CGAS: variants seen among roughly 807,000 people sequenced by gnomAD.
CGAS encodes cyclic GMP-AMP synthase, also known as 2'3'-cGAMP synthase.
Under a neutral mutation model 34.0 loss-of-function variants are expected in CGAS, and 31 were observed. That is an observed-to-expected ratio of 0.91 (90% CI 0.69 to 1.23). The LOEUF is 1.23. CGAS is among the 50% of genes most tolerant of loss of function. The pLI is 0.00. For synonymous variants in CGAS, 266 were observed against 260.0 expected, an observed-to-expected ratio of 1.02 and a Z score of -0.22; for missense variants, 597 against 657.6, an observed-to-expected ratio of 0.91 and a Z score of 1.01.
chr6:73,430,969 G>A (rs1306023924), intron 3 of CGAS, among the ~76,000 whole-genome samples: 2 of 152,038 alleles, frequency 1.3e-5, no homozygotes, highest in African/African-American at 2.4e-5. Context: ...AGGCATTGTG[G>A]CACACAGTTG....
rs1554239284 is a variant in CGAS at position 73,450,097 on chromosome 6, G to GA, written c.657+1427dup. ...AGGAAAAGAGAGAGACAGAGAGATA[G>GA]AGAGAAGAGAAGAGAAGAGAAAAAA... On this transcript the variant is annotated intron_variant, in intron 1 of 4. Coordinates refer to ENST00000370315, the MANE Select transcript of CGAS (RefSeq NM_138441.3). Among the ~76,000 whole-genome samples the GA allele has an allele frequency of 8.7e-5, 13 of 149,958 alleles. No individual in the cohort carries two copies. The South Asian group carries it at 1.9e-3, about 22-fold the overall frequency.
At chr6:73,425,943 C>T (rs1023059044) in intron 4 of CGAS, among the ~76,000 whole-genome samples, 7 of 151,588 alleles carry the variant, frequency 4.6e-5, no homozygotes, top group African/African-American at 7.3e-5. Flanking sequence ...CATTGCACTC[C>T]AGCCTGGGCA....
chr6:73,434,482 A>G (rs978064516), intron 3 of CGAS, among the ~76,000 whole-genome samples: 1 of 152,198 alleles, frequency 6.6e-6, no homozygotes, highest in African/African-American at 2.4e-5. Context: ...AGTAAAGGAC[A>G]TTCTACAAAA....
At chr6:73,443,414 AT>A (rs574422582) in intron 2 of CGAS, among the ~76,000 whole-genome samples, 344 of 151,444 alleles carry the variant, frequency 2.3e-3, no homozygotes, top group African/African-American at 8.0e-3. Context: ...AGTTTTTTGT[AT>A]TTTTAGTCAA....
At chr6:73,449,248 G>A (rs768039876) in intron 1 of CGAS, among the ~76,000 whole-genome samples, 86 of 151,684 alleles carry the variant, frequency 5.7e-4, no homozygotes, top group Non-Finnish European at 9.9e-4. Context: ...AGGCCAAGGC[G>A]GGAAGATCAT....
chr6:73,433,673 G>T (rs1418034806), intron 3 of CGAS, among the ~76,000 whole-genome samples: 1 of 151,900 alleles, frequency 6.6e-6, no homozygotes, highest in African/African-American at 2.4e-5. Context: ...ATTTTTAGTA[G>T]AAATGGGGTC....
rs758419040 is a variant in CGAS, at chr6:73,425,389, T to G, written c.1407A>C (p.Thr469=). 1.1e-5 allele frequency: 18 copies of G among 1,613,532 alleles called. No individual in the cohort carries two copies. The highest frequency in any genetic ancestry group is 1.5e-5 in the Non-Finnish European group (18 of 1,179,968). The change falls in exon 5 of 5, where the codon ACA becomes ACC. Residue 469 remains threonine, a synonymous_variant. Coordinates refer to ENST00000370315, the MANE Select transcript of CGAS (RefSeq NM_138441.3). ...DLGLCFDNCV[T]YFLQCLRTEK... ...CTGTCCTGAGGCACTGAAGAAAGTA[T>G]GTCACGCAGTTATCAAAGCAGAGGC...
At chr6:73,428,501 C>A (rs1770128261) in intron 4 of CGAS, among the ~76,000 whole-genome samples, 1 of 152,056 alleles carries the variant, frequency 6.6e-6, no homozygotes, top group African/African-American at 2.4e-5. Flanking sequence ...AACTACTATT[C>A]CCCGGCCTTG....
chr6:73,432,428 T>C (rs1770209180), intron 3 of CGAS, among the ~76,000 whole-genome samples: 1 of 152,010 alleles, frequency 6.6e-6, no homozygotes, highest in Admixed American at 6.6e-5. Context: ...CCCAAAGTGC[T>C]TGGATTACAG....
At chr6:73,449,509 A>ACACACACACG (rs1554239200) in intron 1 of CGAS, among the ~76,000 whole-genome samples, 1 of 119,386 alleles carries the variant, frequency 8.4e-6, no homozygotes, top group Non-Finnish European at 2.0e-5. Context: ...ACACACACAC[A>ACACACACACG]AAGTGGTTCT....
At position 73,425,264 on chromosome 6, in the gene CGAS, T is replaced by G. The variant is rs1429018382; in HGVS notation, c.1532A>C (p.Glu511Ala). The part of the protein sequence containing the change: ...KEFLTKQIEY[E>A]RNNEFPVFDE... ...AAAAACTGGAAACTCATTGTTTCTT[T>G]CATATTCAATTTGCTTTGTCAGAAA... Residue 511 changes from glutamate to alanine, a missense_variant, in exon 5 of 5, where the codon GAA becomes GCA. Glu to Ala is a moderately radical substitution (Grantham distance 107). Coordinates refer to ENST00000370315, the MANE Select transcript of CGAS (RefSeq NM_138441.3). The G allele has an allele frequency of 1.9e-6, 3 of 1,594,070 alleles. No homozygotes were observed. Among genetic ancestry groups the G allele is most frequent in the Non-Finnish European group, 2.6e-6 (3 of 1,172,260 alleles).
At position 73,424,003 on chromosome 6, in the gene CGAS, C is replaced by T. The variant is rs943084804; in HGVS notation, c.*1224G>A. 3 of 152,110 alleles carry T rather than the reference C, an allele frequency of 2.0e-5. No individual in the cohort carries two copies. The highest frequency in any genetic ancestry group is 7.2e-5 in the African/African-American group (3 of 41,424). 9.4% of individuals were successfully genotyped at this position (152,110 alleles called of 1,614,324 possible). ...TGAACAGGAAATATTTAACAAACAG[C>T]AGTTGCCTCTAGGCTGAATGCTACC... On this transcript the variant is annotated 3_prime_UTR_variant, in exon 5 of 5. Transcript: ENST00000370315.
intron 3 of CGAS, chr6:73,439,802 T>C (rs1770344907): frequency 6.0e-6 from 1 of 165,466 alleles, no homozygotes; most frequent in African/African-American, 2.4e-5. Flanking sequence ...ACATTTTATC[T>C]TTCCAGAATT....
intron 2 of CGAS, among the ~76,000 whole-genome samples, chr6:73,444,671 G>C (rs761803640): frequency 3.9e-5 from 6 of 152,122 alleles, no homozygotes; most frequent in Non-Finnish European, 7.3e-5. Context: ...GACTGGCTTT[G>C]TATTTTAAAA....
intron 2 of CGAS, among the ~76,000 whole-genome samples, chr6:73,444,916 C>CCA (rs1554238834): frequency 1.3e-5 from 2 of 151,828 alleles, no homozygotes; most frequent in Non-Finnish European, 2.9e-5. Context: ...CTGGATGGTG[C>CCA]GTCTGGGTGG....
At position 73,445,603 on chromosome 6, in the gene CGAS, C is replaced by T. The variant is rs778631758; in HGVS notation, c.802G>A (p.Gly268Ser). 2 of 1,611,292 alleles carry T rather than the reference C, an allele frequency of 1.2e-6. No homozygotes were observed. Among genetic ancestry groups the T allele is most frequent in the Admixed American group, 1.7e-5 (1 of 59,716 alleles). ...ATCTTAGAAGCTGATAATATTTCAC[C>T]TTCTAAAAACTGACTCAGAGGATTT... Reference protein sequence around the residue: ...KENPLSQFLEGEILSASKMLS... With the variant: ...KENPLSQFLESEILSASKMLS... Residue 268 changes from glycine (G) to serine (S), a missense_variant, in exon 2 of 5, where the codon GGT becomes AGT. Physicochemically the swap from Gly to Ser is moderately conservative, Grantham distance 56 (BLOSUM62 0). Transcript: ENST00000370315.
chr6:73,448,091 A>T (rs1770497856), intron 1 of CGAS, among the ~76,000 whole-genome samples: 1 of 152,126 alleles, frequency 6.6e-6, no homozygotes, highest in African/African-American at 2.4e-5. Context: ...CAGTTAATAT[A>T]CCATTACTTA....
At chr6:73,441,874 C>T (rs1770386933) in intron 2 of CGAS, among the ~76,000 whole-genome samples, 1 of 152,044 alleles carries the variant, frequency 6.6e-6, no homozygotes, top group Non-Finnish European at 1.5e-5. Flanking sequence ...GTCCATCTAC[C>T]TTACTTTTTT....
rs753993852 is a variant in CGAS at position 73,452,120 on chromosome 6, T to C, written c.62A>G (p.Lys21Arg). Residue 21 changes from lysine (K) to arginine (R), a missense_variant, in exon 1 of 5, where the codon AAG (lysine) becomes AGG (arginine). By Grantham distance (26) the Lys-to-Arg change is conservative. Around this residue, in one of 3 missense-constraint regions of CGAS, gnomAD observed 321 missense variants for 314.3 expected, o/e 1.02. Transcript: ENST00000370315. ...GCCCCTGGCATTCCGTGCGGAAGCCTTGGGGGCAGTGGCTCCGGCCTCGGA... is the reference window on the plus strand; with the variant it reads ...GCCCCTGGCATTCCGTGCGGAAGCCCTGGGGGCAGTGGCTCCGGCCTCGGA... ...RASEAGATAP[K>R]ASARNARGAP... 1.4e-5 allele frequency: 23 copies of C among 1,604,830 alleles called. No homozygotes were observed. Among genetic ancestry groups the C allele is most frequent in the East Asian group, 2.2e-5 (1 of 44,474 alleles).
Sources: gnomAD v4.1 joint callset for allele counts (sites outside exome capture counted in the v4.1 genomes callset) on GRCh38, gnomAD v4.1.1 for gene constraint, gnomAD v4.1.1 regional missense constraint, MANE v1.5 for transcripts, NCBI Gene and HGNC (gene_info 2026-07-23, HGNC 2026-07-21) for gene names.